The following EYS variants were observed in gnomAD, a reference collection of about 807,000 sequenced individuals.
The protein encoded by EYS is EGF-like photoreceptor maintenance factor.
A neutral mutation model predicts 282.1 loss-of-function variants in EYS; 250 were observed. The ratio of observed to expected loss-of-function variants is 0.89; its 90% CI spans 0.80 to 0.98. The LOEUF (loss-of-function observed/expected upper bound fraction) is 0.98. Ranked by LOEUF, EYS falls within the 50% of genes least tolerant of loss-of-function variation. EYS has a pLI of 0.00. For synonymous variants in EYS, 1,355 were observed against 1,282.9 expected (o/e 1.06, Z -1.20); for missense variants, 4,016 against 3,709.0 (o/e 1.08, Z -2.15).
chr6:64,948,620 G>A (rs1313613267), intron 14 of EYS, among the ~76,000 whole-genome samples: 2 of 146,484 alleles, frequency 1.4e-5, no homozygotes, highest in Admixed American at 6.8e-5. Flanking sequence ...TTAAATAATA[G>A]TAAATACTAG....
chr6:64,492,464 G>GTTT (rs139687395), intron 26 of EYS, among the ~76,000 whole-genome samples: 6 of 150,594 alleles, frequency 4.0e-5, no homozygotes, highest in South Asian at 2.1e-4. Flanking sequence ...TGCTGGTCCT[G>GTTT]TTTTTTTGTT....
chr6:65,221,917 C>A (rs1002383494), intron 12 of EYS, among the ~76,000 whole-genome samples: 1 of 152,120 alleles, frequency 6.6e-6, no homozygotes, highest in Admixed American at 6.6e-5. Context: ...GAGATCATTA[C>A]GAAGCTTTAA....
intron 29 of EYS, among the ~76,000 whole-genome samples, chr6:64,314,542 T>C (rs1252933208): frequency 6.6e-6 from 1 of 151,976 alleles, no homozygotes; most frequent in Non-Finnish European, 1.5e-5. Context: ...AGTAAAACAC[T>C]CCTCAGCAAA....
At chr6:65,404,610 T>C (rs183756621) in intron 6 of EYS, among the ~76,000 whole-genome samples, 1 of 151,962 alleles carries the variant, frequency 6.6e-6, no homozygotes, top group Non-Finnish European at 1.5e-5. Flanking sequence ...AATGTTCTTC[T>C]ATAAACTTTT....
In EYS at chr6:64,435,941, G is replaced by A. The variant is rs182363822; in HGVS notation, c.5927+233C>T. 1.3e-4 allele frequency among the ~76,000 whole-genome samples: 19 copies of A among 151,928 alleles called. No individual in the cohort carries two copies. The East Asian group carries it at 3.7e-3, about 29-fold the overall frequency. On this transcript the variant is annotated intron_variant, in intron 28 of 42. Coordinates refer to ENST00000503581, the MANE Select transcript of EYS (RefSeq NM_001142800.2). Reference sequence around the variant, plus strand: ...TATGAGAAAAATATGAGGCTTTTATGGATCTTTTGTAAATCTCCTTATGTG... The same window carrying A: ...TATGAGAAAAATATGAGGCTTTTATAGATCTTTTGTAAATCTCCTTATGTG...
intron 42 of EYS, among the ~76,000 whole-genome samples, chr6:63,722,638 G>A (rs967025136): frequency 6.6e-6 from 1 of 152,158 alleles, no homozygotes; most frequent in Admixed American, 6.6e-5. Flanking sequence ...CCACGCAGAA[G>A]TCTCCACGAA....
intron 14 of EYS, among the ~76,000 whole-genome samples, chr6:64,958,107 C>T (rs1387646272): frequency 6.6e-6 from 1 of 151,710 alleles, no homozygotes; most frequent in Non-Finnish European, 1.5e-5. Context: ...ATATATATCA[C>T]ACATAAAATA....
chr6:65,625,077 A>G (rs543068768), intron 2 of EYS, among the ~76,000 whole-genome samples: 1 of 152,252 alleles, frequency 6.6e-6, no homozygotes, highest in South Asian at 2.1e-4. Flanking sequence ...ATTTCAACCT[A>G]GAGGAAGGGG....
At chr6:63,881,013 T>G (rs773661422) in intron 35 of EYS, among the ~76,000 whole-genome samples, 1 of 152,152 alleles carries the variant, frequency 6.6e-6, no homozygotes, top group Non-Finnish European at 1.5e-5. Flanking sequence ...TTAACACTTT[T>G]TTTTTTTGAC....
At chr6:65,108,454 C>T (rs572742560) in intron 12 of EYS, among the ~76,000 whole-genome samples, 3 of 152,218 alleles carry the variant, frequency 2.0e-5, no homozygotes, top group African/African-American at 4.8e-5. Context: ...TGTGCCACCA[C>T]ACCAGCTAAT....
chr6:64,950,190 A>G (rs1769436159), intron 14 of EYS, among the ~76,000 whole-genome samples: 1 of 151,984 alleles, frequency 6.6e-6, no homozygotes, highest in Non-Finnish European at 1.5e-5. Context: ...AATGAGGAAA[A>G]TGTATTCAAG....
At chr6:64,502,145 T>C (rs1016337075) in intron 26 of EYS, among the ~76,000 whole-genome samples, 1 of 152,190 alleles carries the variant, frequency 6.6e-6, no homozygotes, top group Non-Finnish European at 1.5e-5. Flanking sequence ...GGCTCCCTTA[T>C]AGTGAGGGTG....
intron 22 of EYS, among the ~76,000 whole-genome samples, chr6:64,674,698 T>G (rs1209055402): frequency 6.6e-6 from 1 of 151,688 alleles, no homozygotes; most frequent in Admixed American, 6.6e-5. Context: ...ACTTTTCTTT[T>G]ATCTGTTATG....
chr6:65,700,944 T>C (rs1348316251), intron 1 of EYS, among the ~76,000 whole-genome samples: 21 of 152,216 alleles, frequency 1.4e-4, no homozygotes, highest in Admixed American at 1.4e-3. Flanking sequence ...CTATGTCACA[T>C]ATCTGGTTTA....
intron 30 of EYS, among the ~76,000 whole-genome samples, chr6:64,296,421 C>G (rs2150369258): frequency 6.6e-6 from 1 of 151,636 alleles, no homozygotes; most frequent in South Asian, 2.1e-4. Context: ...ACATGCTATG[C>G]TATATTATTC....
At chr6:64,912,410 T>A (rs1768027393) in intron 16 of EYS, 74 bp downstream of exon 16, 1 of 1,381,360 alleles carries the variant, frequency 7.2e-7, no homozygotes, top group Admixed American at 2.0e-5. Context: ...GAGGCCATCA[T>A]CCCATAGGCA....
At chr6:65,294,642 T>A (rs1433237451) in intron 12 of EYS, among the ~76,000 whole-genome samples, 5 of 151,876 alleles carry the variant, frequency 3.3e-5, no homozygotes, top group African/African-American at 7.2e-5. Flanking sequence ...ACATATGTAT[T>A]TAGCCATGCA....
intron 11 of EYS, chr6:65,330,475 A>G: frequency 1.0e-6 from 1 of 984,380 alleles, no homozygotes; most frequent in Non-Finnish European, 1.2e-6. Context: ...GGTATGATTT[A>G]GTCTTTGGCT....
At chr6:64,115,497 C>T (rs1773349489) in intron 31 of EYS, among the ~76,000 whole-genome samples, 1 of 152,186 alleles carries the variant, frequency 6.6e-6, no homozygotes, top group African/African-American at 2.4e-5. Context: ...GCAGCCTTCA[C>T]CACTAAAGAC....
Sources: allele counts gnomAD v4.1 joint callset (sites outside exome capture counted in the v4.1 genomes callset), GRCh38; gene constraint gnomAD v4.1.1; transcripts MANE v1.5; gene names NCBI Gene and HGNC (gene_info 2026-07-23, HGNC 2026-07-21).